Variants in ZNF804B observed in about 807,000 individuals in gnomAD.
ZNF804B encodes the protein zinc finger protein 804B.
In ZNF804B, 80 loss-of-function variants were observed where a neutral mutation model predicts 101.4. The ratio of observed to expected loss-of-function variants is 0.79; its 90% CI spans 0.66 to 0.95. The LOEUF is 0.95. ZNF804B is among the 40% of genes least tolerant of loss of function. The probability of loss-of-function intolerance (pLI) is 0.00; values close to 1 mark genes in which losing one functional copy is unlikely to be tolerated. For missense variants in ZNF804B, 1,673 were observed against 1,561.9 expected (o/e 1.07, Z -1.20); for synonymous variants, 622 against 558.8 (o/e 1.11, Z -1.59).
intron 1 of ZNF804B, among the ~76,000 whole-genome samples, chr7:89,204,821 A>G (rs548161651): frequency 6.6e-6 from 1 of 152,300 alleles, no homozygotes; most frequent in Admixed American, 6.5e-5. Flanking sequence ...GCTAATTAGA[A>G]AAAGCAAGTA....
intron 1 of ZNF804B, among the ~76,000 whole-genome samples, chr7:88,877,049 AT>A (rs869097226): frequency 4.3e-3 from 59 of 13,848 alleles, no homozygotes; most frequent in African/African-American, 9.4e-3. Flanking sequence ...ATATATATAT[AT>A]TTTTTTTTTT....
chr7:89,180,133 C>G (rs968795371), intron 1 of ZNF804B, among the ~76,000 whole-genome samples: 27 of 152,098 alleles, frequency 1.8e-4, no homozygotes, highest in Admixed American at 1.8e-3. Flanking sequence ...TCACCCAAAG[C>G]CTGTGTTGAC....
chr7:88,940,081 T>C (rs1303545302), intron 1 of ZNF804B, among the ~76,000 whole-genome samples: 1 of 152,022 alleles, frequency 6.6e-6, no homozygotes, highest in Non-Finnish European at 1.5e-5. Flanking sequence ...TCTTTTTAAG[T>C]GTTCTCACAA....
At chr7:89,074,108 A>G (rs1789581383) in intron 1 of ZNF804B, among the ~76,000 whole-genome samples, 4 of 152,198 alleles carry the variant, frequency 2.6e-5, no homozygotes. Context: ...GTGTCTGGAT[A>G]CAGCCATTCC....
At chr7:89,159,831 G>C (rs1005920230) in intron 1 of ZNF804B, among the ~76,000 whole-genome samples, 4 of 152,138 alleles carry the variant, frequency 2.6e-5, no homozygotes, top group Non-Finnish European at 4.4e-5. Context: ...GAAGGTTAAA[G>C]AATGAAGACC....
intron 1 of ZNF804B, among the ~76,000 whole-genome samples, chr7:88,935,787 T>A (rs1014138172): frequency 9.2e-5 from 14 of 151,858 alleles, no homozygotes; most frequent in South Asian, 4.1e-4. Flanking sequence ...ACTAAAAAAA[T>A]TTTTTTATCC....
chr7:88,962,188 T>G (rs6943877), intron 1 of ZNF804B, among the ~76,000 whole-genome samples: 56,502 of 150,956 alleles, frequency 0.37, 11,270 homozygotes, highest in Non-Finnish European at 0.44. Context: ...ACTCACTTCC[T>G]TAAGGACCAG....
intron 1 of ZNF804B, among the ~76,000 whole-genome samples, chr7:89,083,097 T>C (rs1017022514): frequency 6.6e-6 from 1 of 151,828 alleles, no homozygotes; most frequent in Non-Finnish European, 1.5e-5. Context: ...ATGCCTTTTG[T>C]AAATGCCTCT....
intron 2 of ZNF804B, among the ~76,000 whole-genome samples, chr7:89,224,452 G>T (rs998252711): frequency 5.3e-5 from 8 of 151,948 alleles, no homozygotes; most frequent in Non-Finnish European, 1.0e-4. Flanking sequence ...ATTGCTAAAA[G>T]AATTTAATCT....
At chr7:89,098,880 A>C (rs1452283101) in intron 1 of ZNF804B, among the ~76,000 whole-genome samples, 1 of 151,862 alleles carries the variant, frequency 6.6e-6, no homozygotes, top group Admixed American at 6.6e-5. Flanking sequence ...AACTTCACTA[A>C]ATTTTGTATT....
intron 1 of ZNF804B, among the ~76,000 whole-genome samples, chr7:89,132,042 C>T (rs910825398): frequency 6.6e-6 from 1 of 151,872 alleles, no homozygotes; most frequent in Non-Finnish European, 1.5e-5. Context: ...CACTTATTCA[C>T]TGAGAGTTTA....
intron 1 of ZNF804B, among the ~76,000 whole-genome samples, chr7:88,838,952 CT>C (rs1791257245): frequency 6.6e-6 from 1 of 151,968 alleles, no homozygotes; most frequent in Admixed American, 6.6e-5. Flanking sequence ...AACTTGCACC[CT>C]TTGATGTATA....
chr7:88,938,053 T>C (rs2116037583), intron 1 of ZNF804B, among the ~76,000 whole-genome samples: 1 of 152,132 alleles, frequency 6.6e-6, no homozygotes, highest in South Asian at 2.1e-4. Context: ...ATCAGTCAAA[T>C]ACACTTAAGA....
intron 1 of ZNF804B, among the ~76,000 whole-genome samples, chr7:89,151,792 G>A (rs59256146): frequency 0.024 from 3,664 of 152,184 alleles, 163 homozygotes; most frequent in African/African-American, 0.083. Context: ...CATGGCAATG[G>A]TATGATGTTG....
intron 2 of ZNF804B, among the ~76,000 whole-genome samples, chr7:89,317,279 G>A (rs953561821): frequency 2.6e-5 from 4 of 152,192 alleles, no homozygotes; most frequent in Non-Finnish European, 4.4e-5. Context: ...TGAACCATGA[G>A]GCAGAAGTCA....
chr7:89,156,622 G>A (rs1035804978), intron 1 of ZNF804B, among the ~76,000 whole-genome samples: 1 of 151,904 alleles, frequency 6.6e-6, no homozygotes, highest in Non-Finnish European at 1.5e-5. Flanking sequence ...AGAAAAGCAT[G>A]AACTTTTTTT....
intron 1 of ZNF804B, among the ~76,000 whole-genome samples, chr7:88,941,816 A>T (rs1793059194): frequency 6.6e-6 from 1 of 151,906 alleles, no homozygotes; most frequent in Admixed American, 6.6e-5. Context: ...GCTAGAGAGG[A>T]CCAAGATCTT....
chr7:89,144,765 A>T (rs932429149), intron 1 of ZNF804B, among the ~76,000 whole-genome samples: 4 of 152,082 alleles, frequency 2.6e-5, no homozygotes, highest in Admixed American at 6.6e-5. Flanking sequence ...ATCATCCAAC[A>T]TTATAAACAT....
In ZNF804B at chr7:89,338,231, T is replaced by C. The variant is rs537291905; in HGVS notation, c.*1199T>C. ...GAAATGGAGGTAATCATTTATCTAA[T>C]GCTGTCTATACGAAGATGCAAACTC... On this transcript the variant is annotated 3_prime_UTR_variant, in exon 4 of 4. Coordinates refer to ENST00000333190, the MANE Select transcript of ZNF804B (RefSeq NM_181646.5). Among the ~76,000 whole-genome samples, 13 of 152,250 alleles carry C rather than the reference T, an allele frequency of 8.5e-5. No homozygotes were observed. In the East Asian group the frequency reaches 2.5e-3, roughly 29 times the overall value.
Sources: allele counts gnomAD v4.1 joint callset (sites outside exome capture counted in the v4.1 genomes callset), GRCh38; gene constraint gnomAD v4.1.1; transcripts MANE v1.5; gene names NCBI Gene and HGNC (gene_info 2026-07-23, HGNC 2026-07-21).